CNTNAP2: variants seen among roughly 807,000 people sequenced by gnomAD.
The protein encoded by CNTNAP2 is contactin associated protein 2.
A neutral mutation model predicts 155.2 loss-of-function variants in CNTNAP2; 98 were observed. The ratio of observed to expected loss-of-function variants is 0.63; its 90% CI spans 0.54 to 0.75. CNTNAP2 has a LOEUF of 0.75. Ranked by LOEUF, CNTNAP2 falls within the 30% of genes least tolerant of loss-of-function variation. CNTNAP2 has a pLI of 0.00. For missense variants in CNTNAP2, 1,727 were observed against 1,688.1 expected (o/e 1.02, Z -0.40); for synonymous variants, 651 against 631.2 (o/e 1.03, Z -0.47).
At chr7:146,690,300 A>T (rs1213398975) in intron 1 of CNTNAP2, among the ~76,000 whole-genome samples, 1 of 152,150 alleles carries the variant, frequency 6.6e-6, no homozygotes, top group Non-Finnish European at 1.5e-5. Context: ...CATGATCAGT[A>T]ACCAATCATG....
chr7:147,325,520 G>T (rs183578399), intron 9 of CNTNAP2, among the ~76,000 whole-genome samples: 1 of 152,142 alleles, frequency 6.6e-6, no homozygotes, highest in South Asian at 2.1e-4. Flanking sequence ...GGGAAGGCAT[G>T]GAAATAGTTT....
intron 10 of CNTNAP2, among the ~76,000 whole-genome samples, chr7:147,421,293 TATTGAA>T (rs1797286859): frequency 6.6e-6 from 1 of 152,048 alleles, no homozygotes; most frequent in African/African-American, 2.4e-5. Flanking sequence ...TATATAAAAA[TATTGAA>T]ATTAGAGAAA....
intron 20 of CNTNAP2, among the ~76,000 whole-genome samples, chr7:148,250,436 A>ACAGT (rs1469765367): frequency 6.6e-6 from 1 of 152,224 alleles, no homozygotes; most frequent in Non-Finnish European, 1.5e-5. Context: ...AGTACCTAGA[A>ACAGT]CAGTCAGTTC....
chr7:147,782,021 TAA>T (rs11390927), intron 13 of CNTNAP2, among the ~76,000 whole-genome samples: 22 of 137,748 alleles, frequency 1.6e-4, no homozygotes, highest in East Asian at 4.3e-4. Flanking sequence ...AGATTCCGTT[TAA>T]AAAAAAAAAA....
chr7:147,890,915 C>T (rs1799679030), intron 13 of CNTNAP2, among the ~76,000 whole-genome samples: 1 of 152,092 alleles, frequency 6.6e-6, no homozygotes, highest in Non-Finnish European at 1.5e-5. Flanking sequence ...CAGTGCATTG[C>T]ATTTTGAATA....
At chr7:147,062,906 A>G (rs1013185404) in intron 4 of CNTNAP2, among the ~76,000 whole-genome samples, 2 of 152,246 alleles carry the variant, frequency 1.3e-5, no homozygotes, top group Non-Finnish European at 2.9e-5. Context: ...AGCATTTTCC[A>G]GAAGGAGTTG....
chr7:146,694,785 C>A (rs919521323), intron 1 of CNTNAP2, among the ~76,000 whole-genome samples: 16 of 152,090 alleles, frequency 1.1e-4, no homozygotes, highest in African/African-American at 3.6e-4. Flanking sequence ...CATTTTGCAA[C>A]TTTTCTCATG....
At chr7:146,437,604 C>T (rs1796261530) in intron 1 of CNTNAP2, among the ~76,000 whole-genome samples, 1 of 151,474 alleles carries the variant, frequency 6.6e-6, no homozygotes, top group East Asian at 1.9e-4. Flanking sequence ...CAGTATTTCT[C>T]AATTTGTGCT....
intron 20 of CNTNAP2, among the ~76,000 whole-genome samples, chr7:148,234,587 A>G (rs1223720732): frequency 1.3e-5 from 2 of 152,218 alleles, no homozygotes; most frequent in Non-Finnish European, 2.9e-5. Flanking sequence ...TATTTGTTAC[A>G]AGGCTGTTAG....
chr7:146,629,301 A>G (rs1398166905), intron 1 of CNTNAP2, among the ~76,000 whole-genome samples: 3 of 152,168 alleles, frequency 2.0e-5, no homozygotes, highest in Non-Finnish European at 2.9e-5. Flanking sequence ...GGCATGAGAA[A>G]TGTAATGTCT....
chr7:146,485,547 T>C (rs999113238), intron 1 of CNTNAP2, among the ~76,000 whole-genome samples: 1 of 152,206 alleles, frequency 6.6e-6, no homozygotes, highest in African/African-American at 2.4e-5. Context: ...TCATATTTCC[T>C]GTCATGATGG....
At chr7:146,472,186 T>A (rs1796809286) in intron 1 of CNTNAP2, among the ~76,000 whole-genome samples, 1 of 152,198 alleles carries the variant, frequency 6.6e-6, no homozygotes, top group South Asian at 2.1e-4. Flanking sequence ...GACTACACAG[T>A]TCCACATTAA....
At chr7:147,636,370 A>G (rs914780242) in intron 12 of CNTNAP2, among the ~76,000 whole-genome samples, 8 of 152,210 alleles carry the variant, frequency 5.3e-5, no homozygotes, top group Non-Finnish European at 8.8e-5. Flanking sequence ...AACTGGGACC[A>G]AAATGACTTT....
chr7:147,931,471 C>A lies in CNTNAP2; in HGVS notation c.2255+27750C>A, dbSNP rs117817142. On this transcript the variant is annotated intron_variant, in intron 14 of 23. Transcript: ENST00000361727. ...GCCAGCATTTCCCTGACACCAAAGCCAGACAAGAATATTACAAGAAAAGAA... is the reference window on the plus strand; with the variant it reads ...GCCAGCATTTCCCTGACACCAAAGCAAGACAAGAATATTACAAGAAAAGAA... 3.4e-3 allele frequency among the ~76,000 whole-genome samples: 515 copies of A among 152,204 alleles called. 1 individual carries two copies. The highest frequency in any genetic ancestry group is 4.8e-3 in the Non-Finnish European group (328 of 68,022).
intron 13 of CNTNAP2, among the ~76,000 whole-genome samples, chr7:147,744,380 T>C (rs533389142): frequency 1.3e-5 from 2 of 152,324 alleles, no homozygotes; most frequent in East Asian, 3.9e-4. Flanking sequence ...CATCTGTTGG[T>C]TGATAAAGAC....
intron 1 of CNTNAP2, among the ~76,000 whole-genome samples, chr7:146,292,384 A>G (rs1800443332): frequency 6.6e-6 from 1 of 152,204 alleles, no homozygotes; most frequent in Non-Finnish European, 1.5e-5. Context: ...GCAAACTACC[A>G]TGGCGTATTT....
chr7:147,119,239 T>G (rs1801052423), intron 5 of CNTNAP2, among the ~76,000 whole-genome samples: 1 of 152,170 alleles, frequency 6.6e-6, no homozygotes, highest in African/African-American at 2.4e-5. Context: ...GAGTAACCTT[T>G]TAAAATCAAC....
chr7:147,174,050 A>T (rs1399327934), intron 8 of CNTNAP2, among the ~76,000 whole-genome samples: 1 of 152,152 alleles, frequency 6.6e-6, no homozygotes, highest in Non-Finnish European at 1.5e-5. Context: ...CCTCCCTCTG[A>T]ATCATGTATG....
chr7:147,234,041 A>G (rs1037214515), intron 8 of CNTNAP2, among the ~76,000 whole-genome samples: 3 of 150,720 alleles, frequency 2.0e-5, no homozygotes, highest in African/African-American at 7.3e-5. Flanking sequence ...CCACAGTAAA[A>G]AAAAAAAAAA....
Sources: gnomAD v4.1 joint callset for allele counts (sites outside exome capture counted in the v4.1 genomes callset) on GRCh38, gnomAD v4.1.1 for gene constraint, MANE v1.5 for transcripts, NCBI Gene and HGNC (gene_info 2026-07-23, HGNC 2026-07-21) for gene names.